The following USP47 variants were observed in gnomAD, a reference collection of about 807,000 sequenced individuals.
The protein encoded by USP47 is ubiquitin specific peptidase 47.
USP47 carries 35 observed loss-of-function variants against 165.1 expected under a neutral mutation model. That is an observed-to-expected ratio of 0.21 (90% CI 0.16 to 0.28). The LOEUF (loss-of-function observed/expected upper bound fraction) is 0.28. Ranked by LOEUF, USP47 falls within the 10% of genes least tolerant of loss-of-function variation. The pLI is 1.00. For missense variants in USP47, 1,277 were observed against 1,607.4 expected (o/e 0.79, Z 3.52); for synonymous variants, 531 against 544.5 (o/e 0.98, Z 0.35).
At chr11:11,903,444 G>C in intron 7 of USP47, 102 bp downstream of exon 7, 1 of 1,080,848 alleles carries the variant, frequency 9.3e-7, no homozygotes, top group Non-Finnish European at 1.3e-6. Flanking sequence ...TTGGGCATTA[G>C]TCTCATGGTT....
intron 8 of USP47, among the ~76,000 whole-genome samples, chr11:11,912,373 G>A (rs1853062236): frequency 1.3e-5 from 2 of 151,980 alleles, no homozygotes; most frequent in South Asian, 2.1e-4. Context: ...GAATGAAAAG[G>A]ATATAACTAT....
intron 3 of USP47, among the ~76,000 whole-genome samples, chr11:11,889,065 T>C (rs1851349573): frequency 6.6e-6 from 1 of 151,844 alleles, no homozygotes; most frequent in Non-Finnish European, 1.5e-5. Context: ...ATAGCAAGAA[T>C]CATATATGAC....
Position 11,942,616 on chromosome 11 carries a change from G to A in USP47, c.2595G>A (p.Leu865=), listed in dbSNP as rs1855554341. ...ESTEKLKSLS[L]QQQQDGDNGD... is the part of the protein sequence containing the mutation. ...CTGAAAAACTCAAAAGCTTGTCACTGCAGCAACAGCAGGATGGAGATAATG... is the reference window on the plus strand; with the variant it reads ...CTGAAAAACTCAAAAGCTTGTCACTACAGCAACAGCAGGATGGAGATAATG... Residue 865 remains leucine, a synonymous_variant, in exon 20 of 28, where the codon CTG becomes CTA. Transcript: ENST00000527733. 2 of 1,613,386 alleles carry A rather than the reference G, an allele frequency of 1.2e-6. No homozygotes were observed. Among genetic ancestry groups the A allele is most frequent in the African/African-American group, 2.7e-5 (2 of 74,878 alleles).
chr11:11,959,746 C>T lies in USP47; in HGVS notation c.*3571C>T, dbSNP rs1170042420. The stretch of plus-strand genomic sequence containing the variant: ...AGTTGAGAGGAATGCTCTGCCCCTT[C>T]CCCATCACAGCACTGCCCCTTTCCA... On this transcript the variant is annotated 3_prime_UTR_variant, in exon 28 of 28. Coordinates refer to ENST00000527733, the MANE Select transcript of USP47 (RefSeq NM_001282659.2). Among the ~76,000 whole-genome samples, 1 of 151,180 alleles carries T rather than the reference C, an allele frequency of 6.6e-6. No homozygotes were observed. Among genetic ancestry groups the T allele is most frequent in the African/African-American group, 2.5e-5 (1 of 40,534 alleles).
intron 16 of USP47, 101 bp downstream of exon 16, chr11:11,934,036 G>A (rs1854876944): frequency 5.2e-6 from 4 of 766,338 alleles, no homozygotes; most frequent in Non-Finnish European, 8.6e-6. Context: ...AACACTGGCA[G>A]TAACCTTGGT....
chr11:11,869,007 T>G (rs1341013483), intron 1 of USP47, among the ~76,000 whole-genome samples: 1 of 152,140 alleles, frequency 6.6e-6, no homozygotes, highest in Admixed American at 6.5e-5. Context: ...GAGTTCTTTA[T>G]ATATTCTAGA....
At position 11,945,779 on chromosome 11, in the gene USP47, A is replaced by T. The variant is rs1423714056; in HGVS notation, c.3092-2166A>T. On this transcript the variant is annotated intron_variant, in intron 20 of 27. Coordinates refer to ENST00000527733, the MANE Select transcript of USP47 (RefSeq NM_001282659.2). ...GTAAGACCCCATCTCTACAAAAAAA[A>T]TTTTTTTAATTAGCCAGCGTGGTCA... 1.1e-4 allele frequency among the ~76,000 whole-genome samples: 17 copies of T among 151,902 alleles called. No homozygotes were observed. The South Asian group carries it at 3.3e-3, about 30-fold the overall frequency.
At chr11:11,922,608 AT>A in intron 10 of USP47, 115 bp from the exon 11 acceptor site, 1 of 776,412 alleles carries the variant, frequency 1.3e-6, no homozygotes, top group Non-Finnish European at 1.8e-6. Flanking sequence ...AAAGTAAAAT[AT>A]TTTTACTAAT....
At chr11:11,923,041 CATATATATATAT>C (rs56976706) in intron 11 of USP47, 150 bp downstream of exon 11, 11,601 of 139,930 alleles carry the variant, frequency 0.083, 652 homozygotes, top group Admixed American at 0.11. Context: ...TTTTTTTGTA[CATATATATATAT>C]ATATATATAT....
chr11:11,926,357 CTAG>C (rs1271730441), intron 11 of USP47, among the ~76,000 whole-genome samples: 1 of 152,120 alleles, frequency 6.6e-6, no homozygotes, highest in Non-Finnish European at 1.5e-5. Flanking sequence ...AATCTCCTTA[CTAG>C]TTATAGATGT....
intron 20 of USP47, among the ~76,000 whole-genome samples, 153 bp from the exon 21 acceptor site, chr11:11,947,792 G>A (rs1855940988): frequency 6.6e-6 from 1 of 152,128 alleles, no homozygotes; most frequent in Non-Finnish European, 1.5e-5. Context: ...CATGTTTTTT[G>A]TCCATTCAGT....
chr11:11,877,497 A>G (rs1850513068), intron 1 of USP47, among the ~76,000 whole-genome samples: 4 of 152,202 alleles, frequency 2.6e-5, no homozygotes, highest in Admixed American at 2.6e-4. Flanking sequence ...ATGTATAAGG[A>G]TTTTAAGGAA....
In USP47 at chr11:11,842,062, C is replaced by T. The variant is rs1848149679; in HGVS notation, c.-124C>T. 3.2e-6 allele frequency: 4 copies of T among 1,264,852 alleles called. No individual in the cohort carries two copies. The South Asian group carries it at 4.3e-5, about 14-fold the overall frequency. 78.4% of individuals were successfully genotyped at this position (1,264,852 alleles called of 1,614,324 possible). Reference sequence around the variant, plus strand: ...TGTCTGAGGCCCAGGCTGAGGCCTCCGCTATTGCTGGAGCGCAGGCGGCGG... The same window carrying T: ...TGTCTGAGGCCCAGGCTGAGGCCTCTGCTATTGCTGGAGCGCAGGCGGCGG... On this transcript the variant is annotated 5_prime_UTR_variant, in exon 1 of 28. Transcript: ENST00000527733.
chr11:11,922,760 G>A lies in USP47; in HGVS notation c.1255G>A (p.Ala419Thr). 2 of 1,611,286 alleles carry A rather than the reference G, an allele frequency of 1.2e-6. No individual in the cohort carries two copies. The highest frequency in any genetic ancestry group is 8.5e-7 in the Non-Finnish European group (1 of 1,178,222). Residue 419 changes from alanine (A) to threonine (T), a missense_variant, in exon 11 of 28, where the codon GCA becomes ACA. By Grantham distance (58) the Ala-to-Thr change is moderately conservative. This residue lies in a region of USP47 where 175 missense variants were observed against 295.8 expected (regional missense o/e 0.59). Coordinates refer to ENST00000527733, the MANE Select transcript of USP47 (RefSeq NM_001282659.2). The stretch of plus-strand genomic sequence containing the variant: ...GACTGAAAGTTGCACTGACAGTGGA[G>A]CAGAAAATGAAGGTAGTTGTCACAG... ...PQTESCTDSG[A>T]ENEGSCHSDQ...
intron 1 of USP47, among the ~76,000 whole-genome samples, chr11:11,844,492 A>C (rs1848317755): frequency 6.6e-6 from 1 of 152,158 alleles, no homozygotes; most frequent in Non-Finnish European, 1.5e-5. Context: ...CAGAAGATTG[A>C]AAGTGACTTG....
intron 1 of USP47, among the ~76,000 whole-genome samples, chr11:11,876,171 A>G (rs776653221): frequency 3.3e-5 from 5 of 152,158 alleles, no homozygotes; most frequent in Non-Finnish European, 5.9e-5. Flanking sequence ...GCGCATCTAA[A>G]CTACATTAAA....
intron 1 of USP47, among the ~76,000 whole-genome samples, chr11:11,861,763 A>G (rs1027850827): frequency 6.6e-6 from 1 of 152,216 alleles, no homozygotes; most frequent in Non-Finnish European, 1.5e-5. Flanking sequence ...CAAAATTTTA[A>G]AAGCATACTT....
intron 1 of USP47, among the ~76,000 whole-genome samples, chr11:11,865,933 T>A (rs188611593): frequency 1.3e-5 from 2 of 152,180 alleles, no homozygotes; most frequent in Non-Finnish European, 2.9e-5. Flanking sequence ...TAATCTCTTA[T>A]ACAGTTTGCA....
chr11:11,912,129 G>A (rs1853041587), intron 8 of USP47, among the ~76,000 whole-genome samples: 1 of 151,074 alleles, frequency 6.6e-6, no homozygotes, highest in Non-Finnish European at 1.5e-5. Flanking sequence ...CAGGAAAAGG[G>A]CCAAATCAGA....
Sources: allele counts gnomAD v4.1 joint callset (sites outside exome capture counted in the v4.1 genomes callset), GRCh38; gene constraint gnomAD v4.1.1; regional missense constraint gnomAD v4.1.1; transcripts MANE v1.5; gene names NCBI Gene and HGNC (gene_info 2026-07-23, HGNC 2026-07-21).